Variants in NTNG2 observed in about 807,000 individuals in gnomAD.
NTNG2 encodes netrin G2, also known as netrin-G2.
In NTNG2, 15 loss-of-function variants were observed where a neutral mutation model predicts 47.6. That is an observed-to-expected ratio of 0.32 (90% CI 0.21 to 0.49). The LOEUF is 0.49. Ranked by LOEUF, NTNG2 falls within the 20% of genes least tolerant of loss-of-function variation. NTNG2 has a pLI of 0.99. For missense variants in NTNG2, 578 were observed against 764.6 expected, an observed-to-expected ratio of 0.76 and a Z score of 2.88; for synonymous variants, 307 against 324.6, an observed-to-expected ratio of 0.95 and a Z score of 0.58.
chr9:132,214,800 G>A (rs187931239), intron 3 of NTNG2, among the ~76,000 whole-genome samples: 61 of 152,154 alleles, frequency 4.0e-4, no homozygotes, highest in Admixed American at 1.1e-3. Context: ...TTTAGGGTAA[G>A]TATGTCCCAA....
chr9:132,201,909 G>A (rs871462), intron 3 of NTNG2, among the ~76,000 whole-genome samples: 83,998 of 151,928 alleles, frequency 0.55, 24,563 homozygotes, highest in African/African-American at 0.77. Context: ...CCCCAGCCTC[G>A]TGTTTTCAGA....
chr9:132,197,921 C>T lies in NTNG2; in HGVS notation c.214-45C>T, dbSNP rs1838435260. 6.4e-7 allele frequency: 1 copy of T among 1,559,442 alleles called. No individual in the cohort carries two copies. The highest frequency in any genetic ancestry group is 8.7e-7 in the Non-Finnish European group (1 of 1,151,196). Reference sequence around the variant, plus strand: ...CGCGCAGAGGCTTCCCAGGCCATCCCGAGCATCCAGCACCCACCCTTCCCT... The same window carrying T: ...CGCGCAGAGGCTTCCCAGGCCATCCTGAGCATCCAGCACCCACCCTTCCCT... On this transcript the variant is annotated intron_variant, in intron 2 of 7. Coordinates refer to ENST00000393229, the MANE Select transcript of NTNG2 (RefSeq NM_032536.4). This position sits in a 1 kb window ranked among gnomAD's most constrained non-coding sequence, Gnocchi z 4.3.
intron 3 of NTNG2, among the ~76,000 whole-genome samples, chr9:132,213,515 A>G (rs6597561): frequency 0.61 from 92,848 of 152,008 alleles, 30,818 homozygotes; most frequent in African/African-American, 0.89. Context: ...TCCTCACTGC[A>G]GTCCAGGTCC....
intron 2 of NTNG2, among the ~76,000 whole-genome samples, chr9:132,172,157 G>T (rs1044433238): frequency 5.3e-5 from 8 of 152,138 alleles, no homozygotes; most frequent in Middle Eastern, 3.2e-3. Flanking sequence ...CCGAATGCCT[G>T]CCCCCTCCTT....
At chr9:132,175,536 G>A (rs560596302) in intron 2 of NTNG2, among the ~76,000 whole-genome samples, 53 of 152,324 alleles carry the variant, frequency 3.5e-4, no homozygotes, top group South Asian at 8.3e-4. Context: ...TTCCTAGAGG[G>A]GCCGGGCCAT....
At chr9:132,176,812 T>C (rs1836494163) in intron 2 of NTNG2, among the ~76,000 whole-genome samples, 1 of 152,222 alleles carries the variant, frequency 6.6e-6, no homozygotes, top group Non-Finnish European at 1.5e-5. Flanking sequence ...CCACCAGCAA[T>C]GTACGAGAAT....
chr9:132,219,711 T>C (rs1442072743), intron 3 of NTNG2, among the ~76,000 whole-genome samples: 1 of 152,268 alleles, frequency 6.6e-6, no homozygotes, highest in Non-Finnish European at 1.5e-5. Context: ...TTACTTTTTC[T>C]GGCTGTATAG....
chr9:132,178,364 T>C (rs1283190132), intron 2 of NTNG2, among the ~76,000 whole-genome samples: 1 of 152,206 alleles, frequency 6.6e-6, no homozygotes, highest in Admixed American at 6.5e-5. Flanking sequence ...TGTTCTGTCC[T>C]CTTCCTTGTC....
At chr9:132,196,116 T>C (rs1838294532) in intron 2 of NTNG2, among the ~76,000 whole-genome samples, 1 of 152,082 alleles carries the variant, frequency 6.6e-6, no homozygotes, top group African/African-American at 2.4e-5. Flanking sequence ...CTAAAGTCCA[T>C]AATTTACATG....
At position 132,166,651 on chromosome 9, in the gene NTNG2, C is replaced by T; in HGVS notation, c.-181C>T. 1 of 613,146 alleles carries T rather than the reference C, an allele frequency of 1.6e-6. No individual in the cohort carries two copies. Among genetic ancestry groups the T allele is most frequent in the South Asian group, 1.9e-5 (1 of 52,168 alleles). 38.0% of individuals were successfully genotyped at this position (613,146 alleles called of 1,614,324 possible). A position where few individuals can be genotyped will look rare whatever the true frequency, so the allele number is the denominator to read the frequency against. On this transcript the variant is annotated 5_prime_UTR_variant, in exon 2 of 8. Transcript: ENST00000393229. Reference sequence around the variant, plus strand: ...GCTGGCTCTGAATTTTCCGTGTCGGCCTTTTGGAAACAACAAGTTCCTCGC... The same window carrying T: ...GCTGGCTCTGAATTTTCCGTGTCGGTCTTTTGGAAACAACAAGTTCCTCGC...
chr9:132,186,461 C>T (rs2131389080), intron 2 of NTNG2, among the ~76,000 whole-genome samples: 1 of 152,244 alleles, frequency 6.6e-6, no homozygotes, highest in East Asian at 1.9e-4. Flanking sequence ...GGCAATGCCT[C>T]CCCGCCCACC....
intron 3 of NTNG2, among the ~76,000 whole-genome samples, chr9:132,216,757 A>G (rs977919411): frequency 2.6e-5 from 4 of 152,196 alleles, no homozygotes; most frequent in African/African-American, 9.7e-5. Flanking sequence ...TTGATCCCAC[A>G]GAAGAAGGGG....
chr9:132,240,599 G>C (rs1479986203), intron 6 of NTNG2: 13 of 485,702 alleles, frequency 2.7e-5, no homozygotes, highest in Non-Finnish European at 4.5e-5. Context: ...TTTGGAGATG[G>C]GAAGGACAGC....
chr9:132,222,666 G>A (rs1589515517), intron 3 of NTNG2, among the ~76,000 whole-genome samples: 1 of 152,078 alleles, frequency 6.6e-6, no homozygotes, highest in Admixed American at 6.6e-5. Flanking sequence ...AACCTAAAGC[G>A]GTGGGTTCCT....
At chr9:132,196,314 C>T (rs1004150768) in intron 2 of NTNG2, among the ~76,000 whole-genome samples, 1 of 152,220 alleles carries the variant, frequency 6.6e-6, no homozygotes, top group Non-Finnish European at 1.5e-5. Flanking sequence ...CCTCAGCCTC[C>T]CCAGTAACTG....
intron 4 of NTNG2, among the ~76,000 whole-genome samples, chr9:132,229,960 C>G (rs186289583): frequency 6.6e-6 from 1 of 152,218 alleles, no homozygotes; most frequent in Admixed American, 6.5e-5. Flanking sequence ...GGTCAGGCCT[C>G]GCCCACTCTC....
At chr9:132,165,341 G>C (rs1835438137) in intron 1 of NTNG2, among the ~76,000 whole-genome samples, 1 of 150,806 alleles carries the variant, frequency 6.6e-6, no homozygotes, top group African/African-American at 2.5e-5. Flanking sequence ...ATAATTAACA[G>C]AAGCTTAAAA....
intron 5 of NTNG2, among the ~76,000 whole-genome samples, chr9:132,238,679 C>T (rs56236217): frequency 0.2 from 30,986 of 152,218 alleles, 3,552 homozygotes; most frequent in Admixed American, 0.34. Context: ...CCACGGCGAG[C>T]GCCGTGAACC....
chr9:132,169,240 T>C (rs963224639), intron 2 of NTNG2, among the ~76,000 whole-genome samples: 5 of 152,236 alleles, frequency 3.3e-5, no homozygotes, highest in Non-Finnish European at 5.9e-5. Flanking sequence ...GACTTAAATA[T>C]TTCATCATGG....
Sources: allele counts gnomAD v4.1 joint callset (sites outside exome capture counted in the v4.1 genomes callset), GRCh38; gene constraint gnomAD v4.1.1; non-coding constraint Gnocchi (gnomAD v3.1); transcripts MANE v1.5; gene names NCBI Gene and HGNC (gene_info 2026-07-23, HGNC 2026-07-21).